CSPG5: variants seen among roughly 807,000 people sequenced by gnomAD.
CSPG5 encodes chondroitin sulfate proteoglycan 5.
A neutral mutation model predicts 39.8 loss-of-function variants in CSPG5; 25 were observed. The ratio of observed to expected loss-of-function variants is 0.63; its 90% CI spans 0.46 to 0.88. CSPG5 has a LOEUF of 0.88. CSPG5 is among the 40% of genes least tolerant of loss of function. The pLI is 0.00. For missense variants in CSPG5, 627 were observed against 702.2 expected, an observed-to-expected ratio of 0.89 and a Z score of 1.21; for synonymous variants, 295 against 303.9, an observed-to-expected ratio of 0.97 and a Z score of 0.31.
At position 47,562,575 on chromosome 3, in the gene CSPG5, C is replaced by A. The variant is rs201015833; in HGVS notation, c.*25G>T. 371 of 1,600,632 alleles carry A rather than the reference C, an allele frequency of 2.3e-4. 1 individual carries two copies. Among genetic ancestry groups the A allele is most frequent in the Non-Finnish European group, 3.0e-4 (352 of 1,170,280 alleles). On this transcript the variant is annotated 3_prime_UTR_variant, in exon 5 of 5. Coordinates refer to ENST00000264723, the MANE Select transcript of CSPG5 (RefSeq NM_006574.4). ...TTCCCCTACCCCCCACCCACTACCC[C>A]CGCTTCCTCTCTTCTTGCTCTGCTT...
chr3:47,574,194 G>A (rs2031625204), intron 2 of CSPG5, among the ~76,000 whole-genome samples: 1 of 152,190 alleles, frequency 6.6e-6, no homozygotes, highest in Non-Finnish European at 1.5e-5. Context: ...CATGCTGGCA[G>A]AGCCATGTAG....
rs1208020000 is a variant in CSPG5, at chr3:47,574,687, C to A, written c.1194-1813G>T. On this transcript the variant is annotated intron_variant, in intron 2 of 4. Transcript: ENST00000264723. ...GGGCGCGGTGGCTCACGCCTGTAATCCCACCACTTTGGGAGGCCAAGGAGG... is the reference window on the plus strand; with the variant it reads ...GGGCGCGGTGGCTCACGCCTGTAATACCACCACTTTGGGAGGCCAAGGAGG... 2.0e-5 allele frequency among the ~76,000 whole-genome samples: 3 copies of A among 152,152 alleles called. No homozygotes were observed. The East Asian group carries it at 5.8e-4, about 29-fold the overall frequency.
chr3:47,577,660 G>T lies in CSPG5; in HGVS notation c.366C>A (p.Ala122=), dbSNP rs774291212. ...GGGGAGCCTGGAGCGTAGCTGGAAG[G>T]GCCTGGGCATCGCCGCTGCCCGCCT... ...TAEAGSGDAQ[A]LPATLQAPHE... Residue 122 remains alanine, a synonymous_variant, in exon 2 of 5, where the codon GCC becomes GCA. Coordinates refer to ENST00000264723, the MANE Select transcript of CSPG5 (RefSeq NM_006574.4). The surrounding 1 kb of genome is among the most constrained non-coding windows in gnomAD (Gnocchi z 4.7). 1 of 1,605,212 alleles carries T rather than the reference G, an allele frequency of 6.2e-7. No individual in the cohort carries two copies. The highest frequency in any genetic ancestry group is 8.5e-7 in the Non-Finnish European group (1 of 1,177,252).
chr3:47,571,861 C>T (rs2031541318), intron 3 of CSPG5, among the ~76,000 whole-genome samples: 1 of 152,224 alleles, frequency 6.6e-6, no homozygotes, highest in Admixed American at 6.5e-5. Flanking sequence ...ACTCCTGTGA[C>T]ACTTCCAAAA....
rs1044409047 is a variant in CSPG5 at position 47,577,213 on chromosome 3, A to G, written c.813T>C (p.Phe271=). The stretch of plus-strand genomic sequence containing the variant: ...CCTCCTCTTCATCCAAGTCATCATA[A>G]AAGGATGTGGTGGGGTAGAAATCAG... The part of the protein sequence containing the change: ...DESDFYPTTS[F]YDDLDEEEEE... Residue 271 remains phenylalanine (F), a synonymous_variant, in exon 2 of 5, where the codon TTT becomes TTC. Coordinates refer to ENST00000264723, the MANE Select transcript of CSPG5 (RefSeq NM_006574.4). This position sits in a 1 kb window ranked among gnomAD's most constrained non-coding sequence, Gnocchi z 4.7. The G allele has an allele frequency of 6.2e-7, 1 of 1,607,786 alleles. No individual in the cohort carries two copies. The highest frequency in any genetic ancestry group is 8.5e-7 in the Non-Finnish European group (1 of 1,176,852).
In CSPG5 at chr3:47,576,461, G is replaced by T. The variant is rs1442217714; in HGVS notation, c.1193+372C>A. 1.2e-3 allele frequency among the ~76,000 whole-genome samples: 158 copies of T among 135,298 alleles called. 1 individual carries two copies. Among genetic ancestry groups the T allele is most frequent in the East Asian group, 2.6e-3 (12 of 4,548 alleles). The allele number at this position is 135,298 out of a possible 152,430, so 88.8% of individuals were successfully genotyped here. On this transcript the variant is annotated intron_variant, in intron 2 of 4. Coordinates refer to ENST00000264723, the MANE Select transcript of CSPG5 (RefSeq NM_006574.4). ...GTCACGCTGCCCTCTGTTTTGTTTT[G>T]TTTTTTTTTTTTTTTGAGATGGAGT...
rs552168766 is a variant in CSPG5 at position 47,572,957 on chromosome 3, C to G, written c.1194-83G>C. 1.7e-6 allele frequency: 2 copies of G among 1,176,436 alleles called. No individual in the cohort carries two copies. Among genetic ancestry groups the G allele is most frequent in the East Asian group, 4.9e-5 (2 of 40,738 alleles). The allele number at this position is 1,176,436 out of a possible 1,614,324, so 72.9% of individuals were successfully genotyped here. A position where few individuals can be genotyped will look rare whatever the true frequency, so the allele number is the denominator to read the frequency against. Reference sequence around the variant, plus strand: ...AGGGCCTGGGCCCTGACCCCAACACCTATCTCCACAGCCTGTTCCGAAGGC... The same window carrying G: ...AGGGCCTGGGCCCTGACCCCAACACGTATCTCCACAGCCTGTTCCGAAGGC... On this transcript the variant is annotated intron_variant, in intron 2 of 4. Transcript: ENST00000264723. This position sits in a 1 kb window ranked among gnomAD's most constrained non-coding sequence, Gnocchi z 4.5.
intron 4 of CSPG5, among the ~76,000 whole-genome samples, chr3:47,567,953 A>T (rs1444663535): frequency 6.6e-6 from 1 of 152,222 alleles, no homozygotes; most frequent in Non-Finnish European, 1.5e-5. Context: ...CTAGGTCTGC[A>T]CTGTGTAATG....
chr3:47,572,098 C>T lies in CSPG5; in HGVS notation c.1382+588G>A, dbSNP rs1277500218. On this transcript the variant is annotated intron_variant, in intron 3 of 4. Transcript: ENST00000264723. This position sits in a 1 kb window ranked among gnomAD's most constrained non-coding sequence, Gnocchi z 4.5. ...CCTAGTTCTCCCCACATATTCTACT[C>T]AGGAGAGGTAAAGAGGATTTTCTTA... 3.3e-5 allele frequency among the ~76,000 whole-genome samples: 5 copies of T among 152,180 alleles called. No homozygotes were observed. Among genetic ancestry groups the T allele is most frequent in the African/African-American group, 1.2e-4 (5 of 41,444 alleles).
At position 47,577,951 on chromosome 3, in the gene CSPG5, C is replaced by T. The variant is rs980126183; in HGVS notation, c.98-23G>A. 1.4e-6 allele frequency: 2 copies of T among 1,395,674 alleles called. No individual in the cohort carries two copies. The highest frequency in any genetic ancestry group is 3.5e-5 in the Admixed American group (1 of 28,338). The allele number at this position is 1,395,674 out of a possible 1,614,324, so 86.5% of individuals were successfully genotyped here. A position where few individuals can be genotyped will look rare whatever the true frequency, so the allele number is the denominator to read the frequency against. ...GCGCTGCGGGCGGGAGGGCAAGGGG[C>T]GGGACGTCAGGGCGGCGCGCTGAGG... On this transcript the variant is annotated intron_variant, in intron 1 of 4. Transcript: ENST00000264723. The surrounding 1 kb of genome is among the most constrained non-coding windows in gnomAD (Gnocchi z 4.7).
At chr3:47,574,616 T>C (rs1559613823) in intron 2 of CSPG5, among the ~76,000 whole-genome samples, 1 of 152,224 alleles carries the variant, frequency 6.6e-6, no homozygotes, top group Non-Finnish European at 1.5e-5. Flanking sequence ...TCACATCCTA[T>C]GAGTGACCCT....
Position 47,569,210 on chromosome 3 carries a change from G to C in CSPG5, c.1400C>G (p.Ser467Cys). 1 of 1,613,840 alleles carries C rather than the reference G, an allele frequency of 6.2e-7. No homozygotes were observed. The highest frequency in any genetic ancestry group is 8.5e-7 in the Non-Finnish European group (1 of 1,179,848). ...GGAGAAGTTATCATTGTGGAGCTCA[G>C]ATGGGGTCCGGAATTTGCTGGTTAG... is the stretch of plus-strand genomic sequence containing the variant. ...LRRTNKFRTPSELHNDNFSLS... is the reference protein window; with the variant it reads ...LRRTNKFRTPCELHNDNFSLS... Residue 467 changes from serine to cysteine, a missense_variant, in exon 4 of 5, where the codon TCT (serine) becomes TGT (cysteine). Ser to Cys is a moderately radical substitution (Grantham distance 112). Coordinates refer to ENST00000264723, the MANE Select transcript of CSPG5 (RefSeq NM_006574.4).
At position 47,572,690 on chromosome 3, in the gene CSPG5, T is replaced by G. The variant is rs137922531; in HGVS notation, c.1378A>C (p.Thr460Pro). The G allele has an allele frequency of 8.5e-5, 137 of 1,613,702 alleles. No homozygotes were observed. The highest frequency in any genetic ancestry group is 1.1e-4 in the Non-Finnish European group (132 of 1,179,808). Residue 460 changes from threonine (T) to proline (P), a missense_variant, in exon 3 of 5, where the codon ACC becomes CCC. Physicochemically the swap from Thr to Pro is conservative, Grantham distance 38. Coordinates refer to ENST00000264723, the MANE Select transcript of CSPG5 (RefSeq NM_006574.4). This position sits in a 1 kb window ranked among gnomAD's most constrained non-coding sequence, Gnocchi z 4.5. ...GGGTGAGTGACACAGACTCACTTGGTCCTACGCAGCTTGGTATTCTCCGTC... is the reference window on the plus strand; with the variant it reads ...GGGTGAGTGACACAGACTCACTTGGGCCTACGCAGCTTGGTATTCTCCGTC... Reference protein sequence around the residue: ...LKTENTKLRRTNKFRTPSELH... With the variant: ...LKTENTKLRRPNKFRTPSELH...
At chr3:47,576,659 C>A (rs2031748962) in intron 2 of CSPG5, among the ~76,000 whole-genome samples, 174 bp downstream of exon 2, 1 of 152,004 alleles carries the variant, frequency 6.6e-6, no homozygotes, top group African/African-American at 2.4e-5. Context: ...GGGGTTTCAC[C>A]AACTTGGCCA....
chr3:47,575,417 C>T (rs914530671), intron 2 of CSPG5, among the ~76,000 whole-genome samples: 1 of 152,176 alleles, frequency 6.6e-6, no homozygotes, highest in African/African-American at 2.4e-5. Flanking sequence ...GGGATTCTTC[C>T]GGAATCAGGC....
Position 47,577,987 on chromosome 3 carries a change from CCCCGGCCCG to C in CSPG5, c.98-68_98-60del. On this transcript the variant is annotated intron_variant, in intron 1 of 4. Coordinates refer to ENST00000264723, the MANE Select transcript of CSPG5 (RefSeq NM_006574.4). This position sits in a 1 kb window ranked among gnomAD's most constrained non-coding sequence, Gnocchi z 4.7. ...GGCGGCGCGCTGAGGAGCCCTGGAG[CCCCGGCCCG>C]CCCCGGTCAGGCCCGCTCGCCTAGA... 1 of 1,365,270 alleles carries C rather than the reference CCCCGGCCCG, an allele frequency of 7.3e-7. No individual in the cohort carries two copies. Among genetic ancestry groups the C allele is most frequent in the Non-Finnish European group, 9.4e-7 (1 of 1,067,930 alleles). 84.6% of individuals were successfully genotyped at this position (1,365,270 alleles called of 1,614,324 possible). A position where few individuals can be genotyped will look rare whatever the true frequency, so the allele number is the denominator to read the frequency against.
intron 4 of CSPG5, among the ~76,000 whole-genome samples, chr3:47,563,945 A>C (rs2031193199): frequency 6.6e-6 from 1 of 152,178 alleles, no homozygotes; most frequent in Non-Finnish European, 1.5e-5. Flanking sequence ...TCTGTGGCAA[A>C]TCTTGCTTTA....
At chr3:47,570,808 C>T (rs1053032724) in intron 3 of CSPG5, among the ~76,000 whole-genome samples, 2 of 152,162 alleles carry the variant, frequency 1.3e-5, no homozygotes, top group African/African-American at 4.8e-5. Flanking sequence ...GCATGAGTTA[C>T]CGTGCCCAGC....
chr3:47,576,695 G>T, intron 2 of CSPG5, 138 bp downstream of exon 2: 1 of 969,848 alleles, frequency 1.0e-6, no homozygotes, highest in Non-Finnish European at 1.5e-6. Flanking sequence ...CCTGACCTTA[G>T]GAGATCCGCC....
Sources: allele counts gnomAD v4.1 joint callset (sites outside exome capture counted in the v4.1 genomes callset), GRCh38; gene constraint gnomAD v4.1.1; non-coding constraint Gnocchi (gnomAD v3.1); transcripts MANE v1.5; gene names NCBI Gene and HGNC (gene_info 2026-07-23, HGNC 2026-07-21).